Variants in GMDS observed in about 807,000 individuals in gnomAD.
GMDS encodes GDP-mannose 4,6 dehydratase.
A neutral mutation model predicts 49.9 loss-of-function variants in GMDS; 20 were observed. The observed-to-expected ratio is 0.40, with a 90% CI of 0.28 to 0.58. GMDS has a LOEUF of 0.58. Ranked by LOEUF, GMDS falls within the 20% of genes least tolerant of loss-of-function variation. The pLI, the probability that GMDS is intolerant of heterozygous loss-of-function variation, is 0.42. For synonymous variants in GMDS, 177 were observed against 178.6 expected, an observed-to-expected ratio of 0.99 and a Z score of 0.07; for missense variants, 362 against 481.4, an observed-to-expected ratio of 0.75 and a Z score of 2.32.
In GMDS at chr6:2,115,781, C is replaced by G; in HGVS notation, c.335G>C (p.Ser112Thr). ...AATGAAAATGCTTACTTTGACGTGG[C>G]TCTGGGCTCCAAGGTTGTAGATCTC... ...PTEIYNLGAQ[S>T]HVKISFDLAE... The change falls in exon 4 of 11, where the codon AGC becomes ACC. Residue 112 changes from serine to threonine, a missense_variant. Transcript: ENST00000380815. The G allele has an allele frequency of 6.4e-7, 1 of 1,563,104 alleles. No individual in the cohort carries two copies. Among genetic ancestry groups the G allele is most frequent in the East Asian group, 2.2e-5 (1 of 44,664 alleles).
At chr6:1,827,018 G>C (rs1771140596) in intron 7 of GMDS, among the ~76,000 whole-genome samples, 1 of 151,800 alleles carries the variant, frequency 6.6e-6, no homozygotes, top group South Asian at 2.1e-4. Context: ...AGTGAGCTAT[G>C]ATTGTGGCCC....
At chr6:2,105,137 A>C (rs534041886) in intron 4 of GMDS, among the ~76,000 whole-genome samples, 6 of 144,376 alleles carry the variant, frequency 4.2e-5, no homozygotes, top group South Asian at 4.4e-4. Flanking sequence ...AGCGGAGATC[A>C]CGCCACTGCA....
chr6:1,639,810 A>G (rs2007089), intron 9 of GMDS, among the ~76,000 whole-genome samples: 49,446 of 152,088 alleles, frequency 0.33, 8,992 homozygotes, highest in East Asian at 0.7. Context: ...TCCGGGAGAC[A>G]GAGGCTGCAG....
At chr6:1,907,155 T>C (rs1760818780) in intron 7 of GMDS, among the ~76,000 whole-genome samples, 1 of 152,206 alleles carries the variant, frequency 6.6e-6, no homozygotes, top group Admixed American at 6.5e-5. Flanking sequence ...TCTACCCATT[T>C]GACAACTGGC....
At chr6:1,884,952 A>T (rs1759531403) in intron 7 of GMDS, among the ~76,000 whole-genome samples, 1 of 152,254 alleles carries the variant, frequency 6.6e-6, no homozygotes, top group Non-Finnish European at 1.5e-5. Flanking sequence ...ACTCAATGTT[A>T]AATTTTGAAA....
intron 1 of GMDS, among the ~76,000 whole-genome samples, chr6:2,155,009 A>C (rs1463882189): frequency 1.3e-5 from 2 of 152,094 alleles, no homozygotes; most frequent in Non-Finnish European, 2.9e-5. Flanking sequence ...ACCTTTAAAG[A>C]GGCTGATAAC....
rs1773716062 is a variant in GMDS, at chr6:2,098,160, G to A, written c.345+17611C>T. ...CTGCAACCTCCGTCTCCCAGGTTCA[G>A]GTGATTCTCCTGCCTCAGCCTCCCT... is the stretch of plus-strand genomic sequence containing the variant. On this transcript the variant is annotated intron_variant, in intron 4 of 10. Coordinates refer to ENST00000380815, the MANE Select transcript of GMDS (RefSeq NM_001500.4). Among the ~76,000 whole-genome samples, 3 of 152,188 alleles carry A rather than the reference G, an allele frequency of 2.0e-5. No homozygotes were observed. The South Asian group carries it at 6.2e-4, about 32-fold the overall frequency.
At position 2,045,889 on chromosome 6, in the gene GMDS, T is replaced by C. The variant is rs543642155; in HGVS notation, c.345+69882A>G. On this transcript the variant is annotated intron_variant, in intron 4 of 10. Coordinates refer to ENST00000380815, the MANE Select transcript of GMDS (RefSeq NM_001500.4). ...AGGCTACGGGTCACTAAAAACAATA[T>C]GCATATATGAGACAGCTTAGTTTTT... is the stretch of plus-strand genomic sequence containing the variant. 3.5e-4 allele frequency among the ~76,000 whole-genome samples: 53 copies of C among 152,288 alleles called. 1 individual carries two copies. The highest frequency in any genetic ancestry group is 1.3e-3 in the African/African-American group (53 of 41,554).
Position 1,676,929 on chromosome 6 carries a change from A to C in GMDS, c.987+49487T>G, listed in dbSNP as rs568773193. On this transcript the variant is annotated intron_variant, in intron 9 of 10. Transcript: ENST00000380815. The stretch of plus-strand genomic sequence containing the variant: ...ATGGCAACAAAAGCCAAAATAGACA[A>C]ATGGGATCTAATTAAACGAAAGAGC... Among the ~76,000 whole-genome samples the C allele has an allele frequency of 1.2e-4, 18 of 152,312 alleles. 1 individual carries two copies. The East Asian group carries it at 2.5e-3, about 21-fold the overall frequency.
rs1057450891 is a variant in GMDS, at chr6:1,710,055, T to G, written c.987+16361A>C. The stretch of plus-strand genomic sequence containing the variant: ...ACAAGTACACTTAAAATAAATGACT[T>G]TGGGTATTTAAAAATTGTTTTTATA... On this transcript the variant is annotated intron_variant, in intron 9 of 10. Coordinates refer to ENST00000380815, the MANE Select transcript of GMDS (RefSeq NM_001500.4). 5.9e-5 allele frequency among the ~76,000 whole-genome samples: 9 copies of G among 152,304 alleles called. No homozygotes were observed. In the South Asian group the frequency reaches 1.5e-3, roughly 25 times the overall value.
chr6:1,730,866 A>C (rs1396831336), intron 8 of GMDS, among the ~76,000 whole-genome samples: 2 of 152,220 alleles, frequency 1.3e-5, no homozygotes. Flanking sequence ...CGAGACAGGA[A>C]ATATATAAGG....
rs544321104 is a variant in GMDS, at chr6:2,047,436, A to G, written c.345+68335T>C. Among the ~76,000 whole-genome samples, 6 of 152,356 alleles carry G rather than the reference A, an allele frequency of 3.9e-5. No individual in the cohort carries two copies. The South Asian group carries it at 1.2e-3, about 32-fold the overall frequency. ...TTTAGTACGGAATTCCTCCTGAGAA[A>G]GTCACATGACTTCTAAAACCTGAAT... On this transcript the variant is annotated intron_variant, in intron 4 of 10. Transcript: ENST00000380815.
intron 1 of GMDS, among the ~76,000 whole-genome samples, chr6:2,173,895 G>C (rs1778143777): frequency 6.6e-6 from 1 of 152,176 alleles, no homozygotes; most frequent in South Asian, 2.1e-4. Flanking sequence ...CTCATCCTAA[G>C]GAACAGAAAG....
At chr6:2,071,061 G>A (rs1192861329) in intron 4 of GMDS, among the ~76,000 whole-genome samples, 2 of 152,102 alleles carry the variant, frequency 1.3e-5, no homozygotes. Flanking sequence ...CAGAGGGAAA[G>A]TGCTCTTTTT....
chr6:1,948,174 T>C (rs1226117802), intron 6 of GMDS, among the ~76,000 whole-genome samples: 1 of 152,220 alleles, frequency 6.6e-6, no homozygotes, highest in Non-Finnish European at 1.5e-5. Flanking sequence ...TAGTATGTAG[T>C]AGAACCTAGA....
chr6:1,963,277 C>T (rs1764071924), intron 4 of GMDS, among the ~76,000 whole-genome samples: 2 of 152,012 alleles, frequency 1.3e-5, no homozygotes, highest in African/African-American at 4.8e-5. Context: ...AGCCTCAAAA[C>T]CTGCTCAAGT....
chr6:1,719,865 T>C (rs1424914565), intron 9 of GMDS, among the ~76,000 whole-genome samples: 1 of 152,204 alleles, frequency 6.6e-6, no homozygotes, highest in Non-Finnish European at 1.5e-5. Flanking sequence ...GATAAAAAGA[T>C]TTTGAAACTT....
At chr6:1,740,895 C>T (rs1767245055) in intron 8 of GMDS, among the ~76,000 whole-genome samples, 1 of 152,082 alleles carries the variant, frequency 6.6e-6, no homozygotes, top group Non-Finnish European at 1.5e-5. Context: ...CATTAGTTTC[C>T]TGCACAAAGT....
At position 2,234,967 on chromosome 6, in the gene GMDS, A is replaced by C. The variant is rs1300676794; in HGVS notation, c.102+10354T>G. 3.3e-5 allele frequency among the ~76,000 whole-genome samples: 5 copies of C among 152,212 alleles called. No individual in the cohort carries two copies. The East Asian group carries it at 9.7e-4, about 30-fold the overall frequency. On this transcript the variant is annotated intron_variant, in intron 1 of 10. Coordinates refer to ENST00000380815, the MANE Select transcript of GMDS (RefSeq NM_001500.4). ...ATGGAGAAACCCCGTCTCTACTAAA[A>C]ATAGAAAATTAGCCGGGCGTGGTGG... is the stretch of plus-strand genomic sequence containing the variant.
Sources: allele counts gnomAD v4.1 joint callset (sites outside exome capture counted in the v4.1 genomes callset), GRCh38; gene constraint gnomAD v4.1.1; transcripts MANE v1.5; gene names NCBI Gene and HGNC (gene_info 2026-07-23, HGNC 2026-07-21).